Variants in PLXNC1 observed in about 807,000 individuals in gnomAD.
PLXNC1 encodes the protein plexin-C1.
In PLXNC1, 75 loss-of-function variants were observed where a neutral mutation model predicts 178.2. That is an observed-to-expected ratio of 0.42 (90% CI 0.35 to 0.51). The LOEUF (loss-of-function observed/expected upper bound fraction) is 0.51, where lower values mean the gene tolerates loss of function less well. Ranked by LOEUF, PLXNC1 falls within the 20% of genes least tolerant of loss-of-function variation. PLXNC1 has a pLI of 0.02. For synonymous variants in PLXNC1, 790 were observed against 779.9 expected (o/e 1.01, Z -0.22); for missense variants, 1,503 against 1,984.4 (o/e 0.76, Z 4.61).
intron 17 of PLXNC1, chr12:94,255,973 C>T (rs796612056): frequency 4.6e-5 from 7 of 152,470 alleles, no homozygotes; most frequent in African/African-American, 1.7e-4. Flanking sequence ...CCTCCATTTT[C>T]TCACCCACTC....
intron 12 of PLXNC1, among the ~76,000 whole-genome samples, chr12:94,246,921 T>A (rs1393755506): frequency 6.6e-6 from 1 of 152,140 alleles, no homozygotes; most frequent in East Asian, 1.9e-4. Context: ...AAATAGTTTT[T>A]CCCACCTGAT....
intron 28 of PLXNC1, among the ~76,000 whole-genome samples, chr12:94,302,753 CTG>C (rs1968592878): frequency 6.6e-6 from 1 of 152,162 alleles, no homozygotes; most frequent in Non-Finnish European, 1.5e-5. Flanking sequence ...CTGTCAACTA[CTG>C]CTGCTAATTA....
At chr12:94,295,810 A>G (rs750348663) in intron 24 of PLXNC1, among the ~76,000 whole-genome samples, 6 of 152,166 alleles carry the variant, frequency 3.9e-5, no homozygotes, top group African/African-American at 4.8e-5. Flanking sequence ...CCTCTGGGCA[A>G]TTCAACTCTG....
intron 3 of PLXNC1, among the ~76,000 whole-genome samples, chr12:94,184,279 G>T (rs937407044): frequency 6.6e-6 from 1 of 150,536 alleles, no homozygotes; most frequent in Non-Finnish European, 1.5e-5. Flanking sequence ...TACCATGCCC[G>T]GCTAATTTTT....
rs770370432 is a variant in PLXNC1, at chr12:94,297,353, G to C, written c.4004G>C (p.Gly1335Ala). 1.2e-6 allele frequency: 2 copies of C among 1,614,068 alleles called. No individual in the cohort carries two copies. The highest frequency in any genetic ancestry group is 1.7e-6 in the Non-Finnish European group (2 of 1,179,956). ...TCGGAAGCATTCCAAGATGTGCAAG[G>C]AAAGAGACATCGAGGGAAGCACAAG... ...PDSEAFQDVQ[G>A]KRHRGKHKFK... Residue 1335 changes from glycine to alanine, a missense_variant, in exon 26 of 31, where the codon GGA becomes GCA. Coordinates refer to ENST00000258526, the MANE Select transcript of PLXNC1 (RefSeq NM_005761.3).
chr12:94,229,134 A>C (rs771620474), intron 9 of PLXNC1, among the ~76,000 whole-genome samples: 1 of 152,000 alleles, frequency 6.6e-6, no homozygotes, highest in Non-Finnish European at 1.5e-5. Flanking sequence ...TGTGGTTTTG[A>C]TTTGCATTTC....
chr12:94,233,938 C>T (rs1964176085), intron 9 of PLXNC1, among the ~76,000 whole-genome samples: 1 of 152,112 alleles, frequency 6.6e-6, no homozygotes, highest in African/African-American at 2.4e-5. Flanking sequence ...TCCTGTAGGG[C>T]CCTACAGGAC....
At chr12:94,296,477 A>C (rs1377616448) in intron 24 of PLXNC1, among the ~76,000 whole-genome samples, 4 of 152,134 alleles carry the variant, frequency 2.6e-5, no homozygotes, top group Admixed American at 6.5e-5. Flanking sequence ...TAAAACAAAC[A>C]AACCAAATGC....
At chr12:94,222,997 A>C (rs1204685899) in intron 6 of PLXNC1, among the ~76,000 whole-genome samples, 2 of 152,318 alleles carry the variant, frequency 1.3e-5, no homozygotes, top group East Asian at 3.9e-4. Flanking sequence ...TGCTGTGGAG[A>C]AGGACCTTAA....
intron 20 of PLXNC1, among the ~76,000 whole-genome samples, chr12:94,263,353 T>C (rs531598580): frequency 1.3e-5 from 2 of 152,228 alleles, no homozygotes; most frequent in African/African-American, 4.8e-5. Context: ...TTAGCCAGGG[T>C]TAGACCCAGG....
At chr12:94,214,023 C>T (rs893610419) in intron 5 of PLXNC1, among the ~76,000 whole-genome samples, 3 of 151,972 alleles carry the variant, frequency 2.0e-5, no homozygotes, top group Non-Finnish European at 2.9e-5. Flanking sequence ...CATGCCACCA[C>T]GCCCGGCTAA....
intron 1 of PLXNC1, among the ~76,000 whole-genome samples, chr12:94,158,621 AC>A (rs1961264015): frequency 6.6e-6 from 1 of 152,146 alleles, no homozygotes. Flanking sequence ...ACGTAGCAAG[AC>A]CCCATCTCTA....
At chr12:94,150,838 C>CAGAG (rs1350277381) in intron 1 of PLXNC1, 8 of 152,384 alleles carry the variant, frequency 5.2e-5, no homozygotes, top group Admixed American at 5.2e-4. Flanking sequence ...GATGGCGGGA[C>CAGAG]TCAGAGTCAC....
chr12:94,210,853 A>G (rs1046134291), intron 5 of PLXNC1, among the ~76,000 whole-genome samples: 1 of 152,240 alleles, frequency 6.6e-6, no homozygotes, highest in Non-Finnish European at 1.5e-5. Flanking sequence ...AGGCATCTAA[A>G]CATAGGTATA....
Position 94,169,224 on chromosome 12 carries a change from C to T in PLXNC1, c.1134C>T (p.Ser378=), listed in dbSNP as rs774693093. 15 of 1,613,446 alleles carry T rather than the reference C, an allele frequency of 9.3e-6. No homozygotes were observed. The highest frequency in any genetic ancestry group is 6.7e-5 in the East Asian group (3 of 44,892). The change falls in exon 2 of 31, where the codon TCC becomes TCT. Residue 378 remains serine (S), a synonymous_variant. Coordinates refer to ENST00000258526, the MANE Select transcript of PLXNC1 (RefSeq NM_005761.3). ...SSTLIHSDLT[S]VYGTVVMNRT... ...CCTTGATCCATTCCGACCTGACATC[C>T]GTTTATGGCACCGTGGTAATGAACA...
At chr12:94,189,786 G>A (rs531960071) in intron 4 of PLXNC1, among the ~76,000 whole-genome samples, 142 of 152,272 alleles carry the variant, frequency 9.3e-4, no homozygotes, top group African/African-American at 3.2e-3. Flanking sequence ...GCAATGACAG[G>A]GTCTGCCATA....
At chr12:94,188,359 G>A (rs1266128102) in intron 4 of PLXNC1, among the ~76,000 whole-genome samples, 1 of 106,406 alleles carries the variant, frequency 9.4e-6, no homozygotes, top group Non-Finnish European at 1.8e-5. Context: ...CTCTGGCTTT[G>A]TCTCCCAGGC....
intron 19 of PLXNC1, among the ~76,000 whole-genome samples, 198 bp downstream of exon 19, chr12:94,259,932 T>A (rs1214827652): frequency 1.3e-5 from 2 of 151,516 alleles, no homozygotes; most frequent in Non-Finnish European, 2.9e-5. Flanking sequence ...AAATCAAACC[T>A]GAGTCCCATA....
intron 18 of PLXNC1, 57 bp downstream of exon 18, chr12:94,259,432 T>C (rs1171547020): frequency 1.5e-6 from 2 of 1,314,500 alleles, no homozygotes; most frequent in Non-Finnish European, 2.1e-6. Flanking sequence ...CATAGTGTTA[T>C]CATCATCACT....
Sources: allele counts gnomAD v4.1 joint callset (sites outside exome capture counted in the v4.1 genomes callset), GRCh38; gene constraint gnomAD v4.1.1; transcripts MANE v1.5; gene names NCBI Gene and HGNC (gene_info 2026-07-23, HGNC 2026-07-21).